The following KCNK13 variants were observed in gnomAD, a reference collection of about 807,000 sequenced individuals.
KCNK13 encodes potassium two pore domain channel subfamily K member 13, also known as potassium channel subfamily K member 13.
A neutral mutation model predicts 23.4 loss-of-function variants in KCNK13; 12 were observed. The ratio of observed to expected loss-of-function variants is 0.51; its 90% CI spans 0.33 to 0.83. The LOEUF is 0.83. KCNK13 is among the 40% of genes least tolerant of loss of function. KCNK13 has a pLI of 0.02. For synonymous variants in KCNK13, 231 were observed against 229.5 expected, an observed-to-expected ratio of 1.01 and a Z score of -0.06; for missense variants, 463 against 556.3, an observed-to-expected ratio of 0.83 and a Z score of 1.69.
chr14:90,139,290 G>T (rs750778836), intron 1 of KCNK13, among the ~76,000 whole-genome samples: 9 of 152,234 alleles, frequency 5.9e-5, no homozygotes, highest in Non-Finnish European at 1.2e-4. Context: ...AGGGTCTGGG[G>T]AAGTGATATT....
chr14:90,161,070 T>A (rs1244742104), intron 1 of KCNK13, among the ~76,000 whole-genome samples: 1 of 152,046 alleles, frequency 6.6e-6, no homozygotes, highest in Non-Finnish European at 1.5e-5. Flanking sequence ...GATAAATGGA[T>A]AAACAAAATG....
At chr14:90,068,439 A>G (rs1273167155) in intron 1 of KCNK13, among the ~76,000 whole-genome samples, 1 of 152,078 alleles carries the variant, frequency 6.6e-6, no homozygotes, top group Non-Finnish European at 1.5e-5. Flanking sequence ...TACAAAAAAA[A>G]TAGAAAAAAT....
intron 1 of KCNK13, among the ~76,000 whole-genome samples, chr14:90,138,238 A>C (rs1467296529): frequency 6.6e-6 from 1 of 152,248 alleles, no homozygotes; most frequent in Non-Finnish European, 1.5e-5. Flanking sequence ...ACAATTCAGA[A>C]ATATATCAAG....
At chr14:90,122,795 A>G (rs987545029) in intron 1 of KCNK13, among the ~76,000 whole-genome samples, 2 of 152,190 alleles carry the variant, frequency 1.3e-5, no homozygotes, top group African/African-American at 2.4e-5. Flanking sequence ...ATAGAAGAAA[A>G]GGTTTGCATG....
At chr14:90,110,995 G>C (rs1184481025) in intron 1 of KCNK13, among the ~76,000 whole-genome samples, 1 of 135,524 alleles carries the variant, frequency 7.4e-6, no homozygotes, top group Non-Finnish European at 1.6e-5. Context: ...GACAACAAGA[G>C]CAGGACTTTT....
chr14:90,105,037 G>A (rs1030877809), intron 1 of KCNK13, among the ~76,000 whole-genome samples: 6 of 151,856 alleles, frequency 4.0e-5, no homozygotes, highest in Admixed American at 6.6e-5. Flanking sequence ...TGATCTTCAC[G>A]CCTCAACCTC....
chr14:90,137,333 T>C (rs573407578), intron 1 of KCNK13, among the ~76,000 whole-genome samples: 1 of 152,012 alleles, frequency 6.6e-6, no homozygotes, highest in South Asian at 2.1e-4. Flanking sequence ...TTTTATTTAT[T>C]TTTTTGAGAT....
At chr14:90,099,017 C>T (rs926608882) in intron 1 of KCNK13, among the ~76,000 whole-genome samples, 1 of 151,854 alleles carries the variant, frequency 6.6e-6, no homozygotes, top group Non-Finnish European at 1.5e-5. Context: ...GCAGAGTTTG[C>T]AGTGAGCCGA....
At chr14:90,175,591 G>A (rs1890413940) in intron 1 of KCNK13, among the ~76,000 whole-genome samples, 1 of 152,166 alleles carries the variant, frequency 6.6e-6, no homozygotes, top group Admixed American at 6.5e-5. Flanking sequence ...AATGGAGCAG[G>A]GAGCTGAAGA....
chr14:90,091,345 C>T (rs142312519), intron 1 of KCNK13, among the ~76,000 whole-genome samples: 20 of 152,126 alleles, frequency 1.3e-4, no homozygotes, highest in East Asian at 3.9e-4. Flanking sequence ...AGAATCGAAC[C>T]GGTAAAGAAT....
Position 90,151,427 on chromosome 14 carries a change from A to G in KCNK13, c.335-32684A>G, listed in dbSNP as rs2210647. 8.7e-3 allele frequency among the ~76,000 whole-genome samples: 1,319 copies of G among 152,146 alleles called. 31 individuals are homozygous for G. Among genetic ancestry groups the G allele is most frequent in the African/African-American group, 0.03 (1,255 of 41,492 alleles). Reference sequence around the variant, plus strand: ...TTTCATGTAACTCTTGGTGATTTCTATGTCTGCTTTTGAGAAATGTCTGTT... The same window carrying G: ...TTTCATGTAACTCTTGGTGATTTCTGTGTCTGCTTTTGAGAAATGTCTGTT... On this transcript the variant is annotated intron_variant, in intron 1 of 1. Transcript: ENST00000282146.
chr14:90,110,274 G>T (rs1889599190), intron 1 of KCNK13, among the ~76,000 whole-genome samples: 1 of 152,124 alleles, frequency 6.6e-6, no homozygotes, highest in Non-Finnish European at 1.5e-5. Context: ...CACTTTGGGA[G>T]GCCAAGACGG....
chr14:90,154,605 A>G (rs368224306), intron 1 of KCNK13, among the ~76,000 whole-genome samples: 2 of 152,244 alleles, frequency 1.3e-5, no homozygotes, highest in South Asian at 4.1e-4. Context: ...TTACAATGAC[A>G]GGAGAGGATA....
rs994606036 is a variant in KCNK13 at position 90,062,314 on chromosome 14, G to T, written c.109G>T (p.Val37Phe). ...IVLYLLGGAA[V>F]FSALELAHER... Reference sequence around the variant, plus strand: ...GCTCTACCTGCTGGGCGGCGCCGCCGTCTTCTCCGCGCTGGAGCTGGCGCA... The same window carrying T: ...GCTCTACCTGCTGGGCGGCGCCGCCTTCTTCTCCGCGCTGGAGCTGGCGCA... The change falls in exon 1 of 2, where the codon GTC becomes TTC. Residue 37 changes from valine to phenylalanine, a missense_variant. Val to Phe is a conservative substitution (Grantham distance 50). Coordinates refer to ENST00000282146, the MANE Select transcript of KCNK13 (RefSeq NM_022054.4). This position sits in a 1 kb window ranked among gnomAD's most constrained non-coding sequence, Gnocchi z 4.5. The T allele has an allele frequency of 6.4e-7, 1 of 1,555,084 alleles. No individual in the cohort carries two copies. The highest frequency in any genetic ancestry group is 8.6e-7 in the Non-Finnish European group (1 of 1,157,234).
intron 1 of KCNK13, among the ~76,000 whole-genome samples, chr14:90,176,807 G>T (rs977896610): frequency 3.3e-5 from 5 of 152,022 alleles, no homozygotes; most frequent in African/African-American, 4.8e-5. Context: ...GGATCACGAG[G>T]TCAAGAGATC....
intron 1 of KCNK13, among the ~76,000 whole-genome samples, chr14:90,181,957 C>T (rs945019834): frequency 2.6e-5 from 4 of 152,182 alleles, no homozygotes; most frequent in African/African-American, 9.7e-5. Context: ...TTGGGGTCTA[C>T]ATTGAGCCTC....
chr14:90,137,111 G>C (rs1384662391), intron 1 of KCNK13, among the ~76,000 whole-genome samples: 1 of 152,162 alleles, frequency 6.6e-6, no homozygotes, highest in African/African-American at 2.4e-5. Context: ...AACAGCCAAA[G>C]TCAACACAGA....
chr14:90,149,875 A>G (rs536746067), intron 1 of KCNK13, among the ~76,000 whole-genome samples: 28 of 152,150 alleles, frequency 1.8e-4, no homozygotes, highest in Non-Finnish European at 2.6e-4. Flanking sequence ...TAATTCCACA[A>G]ATGCAAATAG....
At chr14:90,144,961 G>A (rs1345861083) in intron 1 of KCNK13, among the ~76,000 whole-genome samples, 1 of 152,022 alleles carries the variant, frequency 6.6e-6, no homozygotes, top group Non-Finnish European at 1.5e-5. Flanking sequence ...TTATGACACT[G>A]ATGAAGTTCC....
Sources: gnomAD v4.1 joint callset for allele counts (sites outside exome capture counted in the v4.1 genomes callset) on GRCh38, gnomAD v4.1.1 for gene constraint, Gnocchi (gnomAD v3.1) non-coding constraint, MANE v1.5 for transcripts, NCBI Gene and HGNC (gene_info 2026-07-23, HGNC 2026-07-21) for gene names.